The following SNX13 variants were observed in gnomAD, a reference collection of about 807,000 sequenced individuals.
The protein encoded by SNX13 is sorting nexin 13.
In SNX13, 45 loss-of-function variants were observed where a neutral mutation model predicts 133.6. The observed-to-expected ratio is 0.34, with a 90% CI of 0.27 to 0.43. The LOEUF (loss-of-function observed/expected upper bound fraction) is 0.43, where lower values mean the gene tolerates loss of function less well. Among genes scored for constraint, SNX13 ranks in the 20% least tolerant of loss-of-function variants. The pLI, the probability that SNX13 is intolerant of heterozygous loss-of-function variation, is 1.00. For missense variants in SNX13, 1,032 were observed against 1,145.1 expected, an observed-to-expected ratio of 0.90 and a Z score of 1.43; for synonymous variants, 414 against 373.9, an observed-to-expected ratio of 1.11 and a Z score of -1.24.
Position 17,839,837 on chromosome 7 carries a change from A to G in SNX13, c.1329T>C (p.Val443=). 6.2e-7 allele frequency: 1 copy of G among 1,610,556 alleles called. No individual in the cohort carries two copies. The highest frequency in any genetic ancestry group is 8.5e-7 in the Non-Finnish European group (1 of 1,177,982). ...CTGATAAATACTGTTCATAAATTCC[A>G]ACAGCAGCTGCTCTTAAAAGACCTT... The part of the protein sequence containing the change: ...QTKGLLRAAA[V]GIYEQYLSEK... Residue 443 remains valine, a synonymous_variant, in exon 13 of 26, where the codon GTT becomes GTC. Coordinates refer to ENST00000428135, the MANE Select transcript of SNX13 (RefSeq NM_015132.5).
chr7:17,912,587 T>C (rs572820763), intron 1 of SNX13, among the ~76,000 whole-genome samples: 3 of 152,172 alleles, frequency 2.0e-5, no homozygotes, highest in African/African-American at 7.2e-5. Flanking sequence ...ATTTCTGTAT[T>C]TCTAGTAGAG....
chr7:17,889,140 T>C (rs1445142642), intron 5 of SNX13: 1 of 154,004 alleles, frequency 6.5e-6, no homozygotes, highest in East Asian at 1.9e-4. Context: ...GCATATGAAA[T>C]AAAAGAGATT....
Position 17,841,288 on chromosome 7 carries a change from G to A in SNX13, c.1166-1288C>T, listed in dbSNP as rs144957646. ...CAGTTTTACCTTTATCTCCCTTTGGGAGCCATGCATTAAAAATGAGGACAT... is the reference window on the plus strand; with the variant it reads ...CAGTTTTACCTTTATCTCCCTTTGGAAGCCATGCATTAAAAATGAGGACAT... On this transcript the variant is annotated intron_variant, in intron 12 of 25. Coordinates refer to ENST00000428135, the MANE Select transcript of SNX13 (RefSeq NM_015132.5). Among the ~76,000 whole-genome samples the A allele has an allele frequency of 4.3e-4, 65 of 151,926 alleles. 1 individual carries two copies. The East Asian group carries it at 0.011, about 25-fold the overall frequency.
At chr7:17,937,076 C>CAA (rs555434265) in intron 1 of SNX13, among the ~76,000 whole-genome samples, 46 of 94,474 alleles carry the variant, frequency 4.9e-4, no homozygotes, top group Middle Eastern at 6.0e-3. Flanking sequence ...ATGTAAAATG[C>CAA]AAAAAAAAAA....
intron 1 of SNX13, among the ~76,000 whole-genome samples, chr7:17,929,192 G>A (rs1418377928): frequency 2.0e-5 from 3 of 151,936 alleles, no homozygotes; most frequent in Non-Finnish European, 2.9e-5. Context: ...TCAGTGACAA[G>A]AAAGAAAAGA....
chr7:17,848,302 G>A (rs141240328), intron 11 of SNX13, among the ~76,000 whole-genome samples: 16 of 152,018 alleles, frequency 1.1e-4, no homozygotes, highest in East Asian at 1.9e-4. Context: ...CACTTTCATC[G>A]GCCATAAAGT....
chr7:17,901,436 C>A (rs1797827436), intron 1 of SNX13, among the ~76,000 whole-genome samples: 1 of 152,110 alleles, frequency 6.6e-6, no homozygotes, highest in South Asian at 2.1e-4. Context: ...TTAGGACCCC[C>A]GAGCACATTA....
chr7:17,916,286 G>C (rs1799556795), intron 1 of SNX13, among the ~76,000 whole-genome samples: 1 of 151,802 alleles, frequency 6.6e-6, no homozygotes, highest in African/African-American at 2.4e-5. Flanking sequence ...TCATAAACTA[G>C]AAGAAGAAAG....
chr7:17,924,700 C>A (rs1405104691), intron 1 of SNX13, among the ~76,000 whole-genome samples: 2 of 152,008 alleles, frequency 1.3e-5, no homozygotes, highest in African/African-American at 2.4e-5. Context: ...TTGTAATGAC[C>A]AAAAAGCAGA....
At chr7:17,899,908 C>A (rs1797633004) in intron 1 of SNX13, 1 of 152,074 alleles carries the variant, frequency 6.6e-6, no homozygotes, top group South Asian at 2.1e-4. Flanking sequence ...GCATTTATTG[C>A]AGTCTTTACA....
At chr7:17,875,213 G>A (rs1169337449) in intron 7 of SNX13, among the ~76,000 whole-genome samples, 1 of 151,822 alleles carries the variant, frequency 6.6e-6, no homozygotes, top group African/African-American at 2.4e-5. Context: ...AGCAATCCAG[G>A]CCCTTCGGCC....
chr7:17,911,258 T>C (rs551056315), intron 1 of SNX13, among the ~76,000 whole-genome samples: 4 of 152,328 alleles, frequency 2.6e-5, no homozygotes, highest in Non-Finnish European at 5.9e-5. Context: ...TAAAGAATTG[T>C]ATCATATAGG....
intron 15 of SNX13, chr7:17,832,021 T>C (rs938931424): frequency 1.0e-6 from 1 of 983,850 alleles, no homozygotes. Flanking sequence ...AACTCATCAA[T>C]TAGGAAACAA....
intron 9 of SNX13, among the ~76,000 whole-genome samples, chr7:17,859,309 C>T (rs960819754): frequency 4.0e-5 from 6 of 151,814 alleles, no homozygotes; most frequent in African/African-American, 1.5e-4. Context: ...GGCCAATAAT[C>T]ACAGGAAAAG....
At chr7:17,803,722 T>C in intron 20 of SNX13, 142 bp from the exon 21 acceptor site, 1 of 747,752 alleles carries the variant, frequency 1.3e-6, no homozygotes. Context: ...ATTTTAAAAG[T>C]ACAGAAATGT....
At chr7:17,799,257 AACAAGTT>A in intron 22 of SNX13, 103 bp from the exon 23 acceptor site, 1 of 969,310 alleles carries the variant, frequency 1.0e-6, no homozygotes, top group Non-Finnish European at 1.4e-6. Flanking sequence ...CAAGTCAGAG[AACAAGTT>A]ACATTTTAGC....
intron 1 of SNX13, among the ~76,000 whole-genome samples, chr7:17,904,056 CAAA>C (rs1230304608): frequency 6.6e-6 from 1 of 151,964 alleles, no homozygotes; most frequent in African/African-American, 2.4e-5. Flanking sequence ...AATGGCAATG[CAAA>C]AAATCACATA....
At chr7:17,926,460 T>C (rs1201774632) in intron 1 of SNX13, among the ~76,000 whole-genome samples, 1 of 152,098 alleles carries the variant, frequency 6.6e-6, no homozygotes, top group African/African-American at 2.4e-5. Flanking sequence ...TTTGAAAACA[T>C]AAAATTAATT....
At chr7:17,799,364 T>C (rs1044642682) in intron 22 of SNX13, among the ~76,000 whole-genome samples, 6 of 151,700 alleles carry the variant, frequency 4.0e-5, no homozygotes, top group African/African-American at 1.4e-4. Context: ...CCCACAATAA[T>C]GAATAAATTT....
Sources: gnomAD v4.1 joint callset for allele counts (sites outside exome capture counted in the v4.1 genomes callset) on GRCh38, gnomAD v4.1.1 for gene constraint, MANE v1.5 for transcripts, NCBI Gene and HGNC (gene_info 2026-07-23, HGNC 2026-07-21) for gene names.